The following PDE11A variants were observed in gnomAD, a reference collection of about 807,000 sequenced individuals.
PDE11A encodes the protein dual 3',5'-cyclic-AMP and -GMP phosphodiesterase 11A.
PDE11A carries 100 observed loss-of-function variants against 100.5 expected under a neutral mutation model. The ratio of observed to expected loss-of-function variants is 1.00; its 90% confidence interval spans 0.85 to 1.18. The LOEUF (loss-of-function observed/expected upper bound fraction) is 1.18, where lower values mean the gene tolerates loss of function less well. Among genes scored for constraint, PDE11A ranks in the 50% most tolerant of loss-of-function variants. PDE11A has a pLI of 0.00. For synonymous variants in PDE11A, 381 were observed against 420.8 expected, an observed-to-expected ratio of 0.91 and a Z score of 1.16; for missense variants, 1,141 against 1,152.6, an observed-to-expected ratio of 0.99 and a Z score of 0.15.
intron 4 of PDE11A, among the ~76,000 whole-genome samples, chr2:177,889,402 C>T (rs771338696): frequency 6.6e-6 from 1 of 152,076 alleles, no homozygotes; most frequent in Non-Finnish European, 1.5e-5. Flanking sequence ...ATCAGTTTTG[C>T]CTGAAATGGT....
intron 19 of PDE11A, among the ~76,000 whole-genome samples, chr2:177,647,707 A>G (rs767652606): frequency 6.6e-6 from 1 of 152,196 alleles, no homozygotes; most frequent in Non-Finnish European, 1.5e-5. Context: ...GACCCAAAGC[A>G]TCGAGGAGAA....
chr2:177,822,916 T>C (rs2083162719), intron 6 of PDE11A, among the ~76,000 whole-genome samples: 1 of 152,156 alleles, frequency 6.6e-6, no homozygotes, highest in South Asian at 2.1e-4. Context: ...CTTTTTAATA[T>C]TAAATTTGTT....
chr2:177,823,774 CA>C, intron 6 of PDE11A, among the ~76,000 whole-genome samples: 1 of 152,298 alleles, frequency 6.6e-6, no homozygotes, highest in East Asian at 1.9e-4. Flanking sequence ...GCCACAGCAG[CA>C]CTAGGATGGC....
At chr2:177,860,609 G>A (rs1317513686) in intron 5 of PDE11A, among the ~76,000 whole-genome samples, 1 of 151,656 alleles carries the variant, frequency 6.6e-6, no homozygotes, top group Non-Finnish European at 1.5e-5. Flanking sequence ...CATTCTATGA[G>A]GGTAGCATTG....
At chr2:177,660,806 T>G (rs868208407) in intron 19 of PDE11A, among the ~76,000 whole-genome samples, 11 of 152,352 alleles carry the variant, frequency 7.2e-5, no homozygotes, top group African/African-American at 2.6e-4. Flanking sequence ...CTATTTGATA[T>G]TTGACAAGCA....
At chr2:178,056,374 C>T (rs1370985128) in intron 1 of PDE11A, among the ~76,000 whole-genome samples, 2 of 152,144 alleles carry the variant, frequency 1.3e-5, no homozygotes, top group African/African-American at 2.4e-5. Context: ...TCCTGGGTTG[C>T]TGCTGCTAAA....
chr2:177,667,945 G>C (rs527568163), intron 18 of PDE11A, among the ~76,000 whole-genome samples: 1 of 152,220 alleles, frequency 6.6e-6, no homozygotes, highest in East Asian at 1.9e-4. Flanking sequence ...AATATCAAGG[G>C]ATAATGGGCA....
intron 2 of PDE11A, among the ~76,000 whole-genome samples, chr2:178,006,392 A>T (rs1429580164): frequency 6.6e-6 from 1 of 152,186 alleles, no homozygotes; most frequent in African/African-American, 2.4e-5. Flanking sequence ...AAAGTATGGG[A>T]GTGGGAAGCC....
intron 10 of PDE11A, among the ~76,000 whole-genome samples, chr2:177,752,259 G>A (rs1354708395): frequency 1.3e-5 from 2 of 152,188 alleles, no homozygotes; most frequent in Non-Finnish European, 2.9e-5. Flanking sequence ...TAATGCTGTG[G>A]TGAAATGTGG....
chr2:177,827,599 C>T (rs968850433), intron 6 of PDE11A, among the ~76,000 whole-genome samples: 1 of 152,108 alleles, frequency 6.6e-6, no homozygotes, highest in South Asian at 2.1e-4. Flanking sequence ...GAATATAATA[C>T]CTTAGACTGA....
intron 2 of PDE11A, among the ~76,000 whole-genome samples, chr2:177,995,380 T>C (rs1321758313): frequency 2.0e-5 from 3 of 152,210 alleles, no homozygotes; most frequent in African/African-American, 7.2e-5. Flanking sequence ...ATTTTCTCCA[T>C]ATGCATGTGC....
At chr2:177,787,468 A>G (rs1167753216) in intron 9 of PDE11A, among the ~76,000 whole-genome samples, 1 of 152,110 alleles carries the variant, frequency 6.6e-6, no homozygotes, top group Non-Finnish European at 1.5e-5. Context: ...GACTAGGAAG[A>G]AACTGCATCA....
At chr2:177,938,415 C>T (rs2085304959) in intron 2 of PDE11A, among the ~76,000 whole-genome samples, 1 of 152,206 alleles carries the variant, frequency 6.6e-6, no homozygotes, top group East Asian at 1.9e-4. Flanking sequence ...AGCAGGCTGG[C>T]TTGCTTCCAT....
At chr2:177,956,579 T>C (rs1361848607) in intron 2 of PDE11A, among the ~76,000 whole-genome samples, 6 of 152,256 alleles carry the variant, frequency 3.9e-5, no homozygotes, top group Admixed American at 3.9e-4. Context: ...CAAAGGATTA[T>C]AAATCATGCT....
intron 19 of PDE11A, among the ~76,000 whole-genome samples, chr2:177,639,344 TAAAAAC>T (rs1375571781): frequency 6.6e-6 from 1 of 152,174 alleles, no homozygotes; most frequent in African/African-American, 2.4e-5. Context: ...TCACTGGTTT[TAAAAAC>T]TCTGTCTTGC....
intron 9 of PDE11A, among the ~76,000 whole-genome samples, chr2:177,794,769 TGTTTGTTTGTTTG>T (rs765788472): frequency 7.1e-6 from 1 of 140,718 alleles, no homozygotes; most frequent in African/African-American, 2.6e-5. Context: ...GTCTGGTTTT[TGTTTGTTTGTTTG>T]TTTGTTTGTT....
At chr2:177,728,408 T>A (rs1197506580) in intron 10 of PDE11A, among the ~76,000 whole-genome samples, 1 of 151,818 alleles carries the variant, frequency 6.6e-6, no homozygotes, top group Non-Finnish European at 1.5e-5. Flanking sequence ...AATCTGAAGA[T>A]AAAATACACG....
At chr2:177,690,734 T>C (rs568679210) in intron 15 of PDE11A, among the ~76,000 whole-genome samples, 74 of 151,902 alleles carry the variant, frequency 4.9e-4, no homozygotes, top group African/African-American at 1.6e-3. Context: ...AATTTTCAAT[T>C]TGAAGATAAG....
At chr2:177,880,018 A>T (rs1363200109) in intron 4 of PDE11A, among the ~76,000 whole-genome samples, 1 of 152,224 alleles carries the variant, frequency 6.6e-6, no homozygotes, top group African/African-American at 2.4e-5. Context: ...CAACTTCAGC[A>T]TTCCATAGAA....
Sources: gnomAD v4.1 joint callset for allele counts (sites outside exome capture counted in the v4.1 genomes callset) on GRCh38, gnomAD v4.1.1 for gene constraint, MANE v1.5 for transcripts, NCBI Gene and HGNC (gene_info 2026-07-23, HGNC 2026-07-21) for gene names.